KCNQ1: variants seen among roughly 807,000 people sequenced by gnomAD.
KCNQ1 encodes potassium voltage-gated channel subfamily KQT member 1.
Under a neutral mutation model 72.4 loss-of-function variants are expected in KCNQ1, and 49 were observed. That is an observed-to-expected ratio of 0.68 (90% CI 0.54 to 0.86). The LOEUF (loss-of-function observed/expected upper bound fraction) is 0.86, where lower values mean the gene tolerates loss of function less well. Ranked by LOEUF, KCNQ1 falls within the 40% of genes least tolerant of loss-of-function variation. KCNQ1 has a pLI of 0.00. For synonymous variants in KCNQ1, 450 were observed against 412.6 expected, an observed-to-expected ratio of 1.09 and a Z score of -1.10; for missense variants, 790 against 945.1, an observed-to-expected ratio of 0.84 and a Z score of 2.15.
chr11:2,583,678 A>G (rs1848540359), intron 7 of KCNQ1, 133 bp downstream of exon 7: 1 of 734,558 alleles, frequency 1.4e-6, no homozygotes, highest in African/African-American at 1.7e-5. Flanking sequence ...AGAAGGTGCT[A>G]TACTCCAGAG....
At position 2,826,456 on chromosome 11, in the gene KCNQ1, AGACAG is replaced by A. The variant is rs1423003900; in HGVS notation, c.1795-21310_1795-21306del. Among the ~76,000 whole-genome samples, 1 of 152,222 alleles carries A rather than the reference AGACAG, an allele frequency of 6.6e-6. No homozygotes were observed. Among genetic ancestry groups the A allele is most frequent in the African/African-American group, 2.4e-5 (1 of 41,472 alleles). On this transcript the variant is annotated intron_variant, in intron 15 of 15. Transcript: ENST00000155840. This position sits in a 1 kb window ranked among gnomAD's most constrained non-coding sequence, Gnocchi z 4.2. ...TGGAAACCGCCGTGCGGTTCCGCGC[AGACAG>A]TCACGGAAACTCAGGCAGACCCGGC...
intron 1 of KCNQ1, among the ~76,000 whole-genome samples, chr11:2,485,672 A>G (rs572859030): frequency 6.6e-6 from 1 of 152,154 alleles, no homozygotes; most frequent in East Asian, 1.9e-4. Flanking sequence ...CTCCATCCCC[A>G]TTAAACACCA....
chr11:2,576,457 G>A (rs1480428410), intron 6 of KCNQ1, among the ~76,000 whole-genome samples: 1 of 152,246 alleles, frequency 6.6e-6, no homozygotes, highest in Non-Finnish European at 1.5e-5. Context: ...GGGAGAAGCA[G>A]TTTTTGCAAA....
In KCNQ1 at chr11:2,563,019, T is replaced by A. The variant is rs1024112345; in HGVS notation, c.478-7609T>A. On this transcript the variant is annotated intron_variant, in intron 2 of 15. Transcript: ENST00000155840. The surrounding 1 kb of genome is among the most constrained non-coding windows in gnomAD (Gnocchi z 7.4). ...GCTTCCTTTATGTTTTGCAAAAAAATCTATATATTTCATCCAGAGAGACAG... is the reference window on the plus strand; with the variant it reads ...GCTTCCTTTATGTTTTGCAAAAAAAACTATATATTTCATCCAGAGAGACAG... 2.0e-5 allele frequency among the ~76,000 whole-genome samples: 3 copies of A among 152,038 alleles called. No homozygotes were observed. The highest frequency in any genetic ancestry group is 4.4e-5 in the Non-Finnish European group (3 of 68,012).
At chr11:2,717,450 G>C (rs561732488) in intron 11 of KCNQ1, among the ~76,000 whole-genome samples, 70 of 152,312 alleles carry the variant, frequency 4.6e-4, no homozygotes, top group African/African-American at 1.7e-3. Flanking sequence ...GGGTAGCCCA[G>C]GTGGAATTCT....
chr11:2,802,092 C>A (rs986643158), intron 15 of KCNQ1, among the ~76,000 whole-genome samples: 1 of 152,210 alleles, frequency 6.6e-6, no homozygotes, highest in African/African-American at 2.4e-5. Flanking sequence ...AGACTCACAC[C>A]GGCCCAGGAC....
rs763044938 is a variant in KCNQ1, at chr11:2,676,059, C to T, written c.1514+13978C>T. ...CACTTTCCTATTGCATCTTTCCAGA[C>T]GTATTTTATATAAACAAATATACGT... On this transcript the variant is annotated intron_variant, in intron 11 of 15. Transcript: ENST00000155840. This position sits in a 1 kb window ranked among gnomAD's most constrained non-coding sequence, Gnocchi z 4.2. 85 of 398,504 alleles carry T rather than the reference C, an allele frequency of 2.1e-4. No individual in the cohort carries two copies. The highest frequency in any genetic ancestry group is 3.2e-4 in the Non-Finnish European group (73 of 226,056). 24.7% of individuals were successfully genotyped at this position (398,504 alleles called of 1,614,324 possible). A position where few individuals can be genotyped will look rare whatever the true frequency, so the allele number is the denominator to read the frequency against.
rs558072198 is a variant in KCNQ1, at chr11:2,464,996, G to A, written c.386+19512G>A. ...GGGAGCTGCCCCGGCCGCCCCCGTGGGTGCAGGCCATGGGCTCTTGTTTCC... is the reference window on the plus strand; with the variant it reads ...GGGAGCTGCCCCGGCCGCCCCCGTGAGTGCAGGCCATGGGCTCTTGTTTCC... On this transcript the variant is annotated intron_variant, in intron 1 of 15. Coordinates refer to ENST00000155840, the MANE Select transcript of KCNQ1 (RefSeq NM_000218.3). This position sits in a 1 kb window ranked among gnomAD's most constrained non-coding sequence, Gnocchi z 5.0. Among the ~76,000 whole-genome samples the A allele has an allele frequency of 1.3e-5, 2 of 152,218 alleles. No homozygotes were observed. The highest frequency in any genetic ancestry group is 4.2e-4 in the South Asian group (2 of 4,814).
chr11:2,729,573 A>T (rs549176869), intron 11 of KCNQ1, among the ~76,000 whole-genome samples: 1 of 152,210 alleles, frequency 6.6e-6, no homozygotes, highest in Admixed American at 6.5e-5. Flanking sequence ...AGAAAGTTGC[A>T]TCTGTGCTGA....
In KCNQ1 at chr11:2,661,438, A is replaced by G. The variant is rs2133855161; in HGVS notation, c.1394-523A>G. Reference sequence around the variant, plus strand: ...CATTGGGGGTACAACTGGTTGATGTAGCATCGTGTTTTGAGGAAGGAGTTC... The same window carrying G: ...CATTGGGGGTACAACTGGTTGATGTGGCATCGTGTTTTGAGGAAGGAGTTC... On this transcript the variant is annotated intron_variant, in intron 10 of 15. Coordinates refer to ENST00000155840, the MANE Select transcript of KCNQ1 (RefSeq NM_000218.3). This position sits in a 1 kb window ranked among gnomAD's most constrained non-coding sequence, Gnocchi z 5.9. The G allele has an allele frequency of 2.3e-6, 1 of 436,616 alleles. No individual in the cohort carries two copies. The highest frequency in any genetic ancestry group is 4.0e-6 in the Non-Finnish European group (1 of 248,372). 27.0% of individuals were successfully genotyped at this position (436,616 alleles called of 1,614,324 possible). A position where few individuals can be genotyped will look rare whatever the true frequency, so the allele number is the denominator to read the frequency against.
Position 2,493,296 on chromosome 11 carries a change from AG to A in KCNQ1, c.387-34630del, listed in dbSNP as rs1417233662. Among the ~76,000 whole-genome samples, 4 of 152,250 alleles carry A rather than the reference AG, an allele frequency of 2.6e-5. No individual in the cohort carries two copies. The highest frequency in any genetic ancestry group is 2.1e-4 in the South Asian group (1 of 4,824). ...TTGCAAATATTTTCTCCCATTCTGTAGGTTGCCTATTCACTCTGATGCTAGC... is the reference window on the plus strand; with the variant it reads ...TTGCAAATATTTTCTCCCATTCTGTAGTTGCCTATTCACTCTGATGCTAGC... On this transcript the variant is annotated intron_variant, in intron 1 of 15. Coordinates refer to ENST00000155840, the MANE Select transcript of KCNQ1 (RefSeq NM_000218.3). This position sits in a 1 kb window ranked among gnomAD's most constrained non-coding sequence, Gnocchi z 5.3.
At chr11:2,646,178 G>A (rs1255225346) in intron 10 of KCNQ1, 1 of 398,604 alleles carries the variant, frequency 2.5e-6, no homozygotes, top group East Asian at 3.6e-5. Flanking sequence ...TATAAACTGT[G>A]GTTACCTACT....
At position 2,494,579 on chromosome 11, in the gene KCNQ1, GC is replaced by G. The variant is rs1367027124; in HGVS notation, c.387-33348del. Reference sequence around the variant, plus strand: ...GAAGGGATGTTGAATTTTGTCAAAGGCTTTTTCTGCATCTATTGAGATAATC... The same window carrying G: ...GAAGGGATGTTGAATTTTGTCAAAGGTTTTTCTGCATCTATTGAGATAATC... On this transcript the variant is annotated intron_variant, in intron 1 of 15. Coordinates refer to ENST00000155840, the MANE Select transcript of KCNQ1 (RefSeq NM_000218.3). This position sits in a 1 kb window ranked among gnomAD's most constrained non-coding sequence, Gnocchi z 4.6. Among the ~76,000 whole-genome samples the G allele has an allele frequency of 6.6e-6, 1 of 152,224 alleles. No individual in the cohort carries two copies. Among genetic ancestry groups the G allele is most frequent in the Middle Eastern group, 3.4e-3 (1 of 294 alleles).
At chr11:2,551,815 C>G (rs116757446) in intron 2 of KCNQ1, among the ~76,000 whole-genome samples, 1 of 152,186 alleles carries the variant, frequency 6.6e-6, no homozygotes, top group Non-Finnish European at 1.5e-5. Flanking sequence ...AGCCATATTC[C>G]GTCATGGTCT....
At position 2,491,868 on chromosome 11, in the gene KCNQ1, G is replaced by A. The variant is rs1846840609; in HGVS notation, c.387-36060G>A. 6.6e-6 allele frequency among the ~76,000 whole-genome samples: 1 copy of A among 152,168 alleles called. No individual in the cohort carries two copies. On this transcript the variant is annotated intron_variant, in intron 1 of 15. Transcript: ENST00000155840. This position sits in a 1 kb window ranked among gnomAD's most constrained non-coding sequence, Gnocchi z 4.1. Reference sequence around the variant, plus strand: ...TAATTGAACTCCATTATATCTGGCAGCAGAGTTTTCAATGGAAACTTTATG... The same window carrying A: ...TAATTGAACTCCATTATATCTGGCAACAGAGTTTTCAATGGAAACTTTATG...
Position 2,458,708 on chromosome 11 carries a change from G to A in KCNQ1, c.386+13224G>A, listed in dbSNP as rs73417596. 0.27 allele frequency among the ~76,000 whole-genome samples: 40,648 copies of A among 151,866 alleles called. 6,171 individuals carry two copies. Among genetic ancestry groups the A allele is most frequent in the African/African-American group, 0.39 (15,998 of 41,410 alleles). On this transcript the variant is annotated intron_variant, in intron 1 of 15. Transcript: ENST00000155840. This position sits in a 1 kb window ranked among gnomAD's most constrained non-coding sequence, Gnocchi z 4.6. Reference sequence around the variant, plus strand: ...GGATCGATCGATCTCACCAAGCCTCGTGCTCTAAGTACAAGTTTACTGGAA... The same window carrying A: ...GGATCGATCGATCTCACCAAGCCTCATGCTCTAAGTACAAGTTTACTGGAA...
Position 2,450,949 on chromosome 11 carries a change from A to G in KCNQ1, c.386+5465A>G, listed in dbSNP as rs1357883154. ...TCTCTGGGGAGCAGGCCCTGGCTGG[A>G]GGTGGGGAAGATCCATGATGGGACC... On this transcript the variant is annotated intron_variant, in intron 1 of 15. Coordinates refer to ENST00000155840, the MANE Select transcript of KCNQ1 (RefSeq NM_000218.3). This position sits in a 1 kb window ranked among gnomAD's most constrained non-coding sequence, Gnocchi z 7.9. Among the ~76,000 whole-genome samples the G allele has an allele frequency of 6.6e-6, 1 of 152,030 alleles. No homozygotes were observed. The highest frequency in any genetic ancestry group is 1.5e-5 in the Non-Finnish European group (1 of 67,996).
chr11:2,571,866 G>C (rs918106226), intron 4 of KCNQ1, 147 bp from the exon 5 acceptor site: 2 of 680,420 alleles, frequency 2.9e-6, no homozygotes, highest in African/African-American at 3.5e-5. Flanking sequence ...CCCCTGTCGG[G>C]ATGGACATAT....
rs960615602 is a variant in KCNQ1, at chr11:2,515,828, G to A, written c.387-12100G>A. On this transcript the variant is annotated intron_variant, in intron 1 of 15. Coordinates refer to ENST00000155840, the MANE Select transcript of KCNQ1 (RefSeq NM_000218.3). The surrounding 1 kb of genome is among the most constrained non-coding windows in gnomAD (Gnocchi z 4.7). ...TTCCCAGCAGCCCTCGGCCCTGGGGGGCTTGTGCTCTGCCGGGCCACCTGC... is the reference window on the plus strand; with the variant it reads ...TTCCCAGCAGCCCTCGGCCCTGGGGAGCTTGTGCTCTGCCGGGCCACCTGC... 2.0e-5 allele frequency among the ~76,000 whole-genome samples: 3 copies of A among 152,070 alleles called. No individual in the cohort carries two copies. The highest frequency in any genetic ancestry group is 7.2e-5 in the African/African-American group (3 of 41,410).
Sources: gnomAD v4.1 joint callset for allele counts (sites outside exome capture counted in the v4.1 genomes callset) on GRCh38, gnomAD v4.1.1 for gene constraint, Gnocchi (gnomAD v3.1) non-coding constraint, MANE v1.5 for transcripts, NCBI Gene and HGNC (gene_info 2026-07-23, HGNC 2026-07-21) for gene names.